COL26A1: variants seen among roughly 807,000 people sequenced by gnomAD.
COL26A1 encodes collagen type XXVI alpha 1 chain.
COL26A1 carries 41 observed loss-of-function variants against 59.3 expected under a neutral mutation model. The ratio of observed to expected loss-of-function variants is 0.69; its 90% CI spans 0.54 to 0.90. The LOEUF (loss-of-function observed/expected upper bound fraction) is 0.90. COL26A1 is among the 40% of genes least tolerant of loss of function. The pLI is 0.00. For missense variants in COL26A1, 612 were observed against 602.3 expected (o/e 1.02, Z -0.17); for synonymous variants, 266 against 256.0 (o/e 1.04, Z -0.37).
intron 1 of COL26A1, among the ~76,000 whole-genome samples, chr7:101,375,179 C>T (rs1428051973): frequency 6.6e-6 from 1 of 152,094 alleles, no homozygotes; most frequent in Non-Finnish European, 1.5e-5. Context: ...AGTTGCCTGC[C>T]CTCTCTATGC....
chr7:101,362,811 C>T, upstream of COL26A1: 1 of 538,446 alleles, frequency 1.9e-6, no homozygotes, highest in Non-Finnish European at 3.2e-6. Context: ...AGCCCCACGC[C>T]CCCTTTGACG....
At chr7:101,456,251 G>C (rs1793469056) in intron 3 of COL26A1, among the ~76,000 whole-genome samples, 1 of 150,138 alleles carries the variant, frequency 6.7e-6, no homozygotes, top group Non-Finnish European at 1.5e-5. Context: ...TCATTCTGTT[G>C]CCCAGGCTGG....
intron 3 of COL26A1, among the ~76,000 whole-genome samples, chr7:101,502,854 G>A (rs978234998): frequency 1.3e-5 from 2 of 152,164 alleles, no homozygotes; most frequent in Non-Finnish European, 2.9e-5. Context: ...CCTCCTTCCC[G>A]GGGCTGCCTG....
rs1212367041 is a variant in COL26A1, at chr7:101,539,979, G to A, written c.534G>A (p.Glu178=). The A allele has an allele frequency of 2.5e-6, 4 of 1,613,562 alleles. No homozygotes were observed. Among genetic ancestry groups the A allele is most frequent in the East Asian group, 4.5e-5 (2 of 44,844 alleles). The part of the protein sequence containing the change: ...APESTPPTWN[E]DFLPDAIPLA... Reference sequence around the variant, plus strand: ...AGAGCACTCCGCCGACCTGGAATGAGGACTTCCTCCCCGACGCCATCCCTC... The same window carrying A: ...AGAGCACTCCGCCGACCTGGAATGAAGACTTCCTCCCCGACGCCATCCCTC... Residue 178 remains glutamate, a synonymous_variant, in exon 5 of 13, where the codon GAG becomes GAA. Transcript: ENST00000313669.
intron 7 of COL26A1, among the ~76,000 whole-genome samples, chr7:101,546,035 G>GC: frequency 1.3e-5 from 2 of 152,218 alleles, no homozygotes; most frequent in Non-Finnish European, 2.9e-5. Flanking sequence ...GCCCTCGGGG[G>GC]CACCGGCCAG....
At chr7:101,541,953 A>G (rs1795626192) in intron 5 of COL26A1, among the ~76,000 whole-genome samples, 1 of 150,612 alleles carries the variant, frequency 6.6e-6, no homozygotes, top group African/African-American at 2.5e-5. Context: ...AGATATGAAA[A>G]TATTTCAAAT....
At chr7:101,536,678 C>T (rs572948254) in intron 4 of COL26A1, among the ~76,000 whole-genome samples, 3 of 152,292 alleles carry the variant, frequency 2.0e-5, no homozygotes, top group African/African-American at 7.2e-5. Flanking sequence ...TTTGGTATGT[C>T]GGGAAGGAGG....
chr7:101,454,268 C>CTT lies in COL26A1; in HGVS notation c.385+6494_385+6495dup, dbSNP rs58969139. Reference sequence around the variant, plus strand: ...TTTTTCCTTTCCTTTTCTTTTCTTTCTTTTTTTTTTTTTTGTTATGGAGTC... The same window carrying CTT: ...TTTTTCCTTTCCTTTTCTTTTCTTTCTTTTTTTTTTTTTTTTGTTATGGAGTC... On this transcript the variant is annotated intron_variant, in intron 3 of 12. Transcript: ENST00000313669. Among the ~76,000 whole-genome samples the CTT allele has an allele frequency of 5.0e-3, 681 of 137,318 alleles. 15 individuals are homozygous for CTT. Among genetic ancestry groups the CTT allele is most frequent in the African/African-American group, 0.015 (549 of 36,586 alleles). The allele number at this position is 137,318 out of a possible 152,430, so 90.1% of individuals were successfully genotyped here.
chr7:101,363,291 G>A, intron 1 of COL26A1, 101 bp downstream of exon 1: 1 of 1,077,644 alleles, frequency 9.3e-7, no homozygotes. Flanking sequence ...GGGCTGGAGA[G>A]CGGGGCGATC....
chr7:101,448,611 C>A (rs568370096), intron 3 of COL26A1, among the ~76,000 whole-genome samples: 4 of 152,140 alleles, frequency 2.6e-5, no homozygotes, highest in African/African-American at 9.6e-5. Context: ...TCCCACTTCA[C>A]CCTCCTGTGC....
chr7:101,414,342 A>G (rs923720813), intron 1 of COL26A1, among the ~76,000 whole-genome samples: 1 of 150,994 alleles, frequency 6.6e-6, no homozygotes, highest in African/African-American at 2.4e-5. Context: ...CCTCGGGCGG[A>G]TCTCAGGATC....
intron 5 of COL26A1, among the ~76,000 whole-genome samples, chr7:101,542,530 T>C (rs1208455096): frequency 6.6e-6 from 1 of 152,166 alleles, no homozygotes. Context: ...GGGGGCATTT[T>C]GCCTCCATGA....
chr7:101,543,749 C>A (rs545689931), intron 5 of COL26A1, among the ~76,000 whole-genome samples: 33 of 152,346 alleles, frequency 2.2e-4, no homozygotes, highest in Non-Finnish European at 4.0e-4. Context: ...TCCTGAGCCT[C>A]AGTTTCCCCA....
chr7:101,383,633 C>T (rs2117034218), intron 1 of COL26A1, among the ~76,000 whole-genome samples: 1 of 152,250 alleles, frequency 6.6e-6, no homozygotes, highest in African/African-American at 2.4e-5. Context: ...CTCCCCGGTT[C>T]AAGCGATCCT....
At chr7:101,481,840 CT>C (rs909286452) in intron 3 of COL26A1, among the ~76,000 whole-genome samples, 2 of 152,026 alleles carry the variant, frequency 1.3e-5, no homozygotes, top group African/African-American at 2.4e-5. Flanking sequence ...AAAGAGGTAT[CT>C]TTTTAACCTT....
At chr7:101,439,379 C>T (rs1301839965) in intron 2 of COL26A1, among the ~76,000 whole-genome samples, 2 of 151,654 alleles carry the variant, frequency 1.3e-5, no homozygotes, top group African/African-American at 4.8e-5. Context: ...TAGGGTGAAA[C>T]CCCGTCTCTA....
intron 2 of COL26A1, among the ~76,000 whole-genome samples, chr7:101,422,432 A>G (rs972784530): frequency 1.4e-5 from 2 of 146,732 alleles, no homozygotes; most frequent in East Asian, 2.0e-4. Flanking sequence ...GACACTCCCT[A>G]TCCCCTGCCT....
chr7:101,432,994 A>G (rs1332419182), intron 2 of COL26A1, among the ~76,000 whole-genome samples: 1 of 152,236 alleles, frequency 6.6e-6, no homozygotes, highest in South Asian at 2.1e-4. Context: ...AAGCCACTGT[A>G]TCTGGTGAAG....
intron 1 of COL26A1, among the ~76,000 whole-genome samples, chr7:101,410,683 T>C (rs1421575376): frequency 9.5e-6 from 1 of 104,992 alleles, no homozygotes; most frequent in Non-Finnish European, 2.2e-5. Flanking sequence ...CCCGGCTAAT[T>C]TTGGTGTGTG....
Sources: allele counts gnomAD v4.1 joint callset (sites outside exome capture counted in the v4.1 genomes callset), GRCh38; gene constraint gnomAD v4.1.1; transcripts MANE v1.5; gene names NCBI Gene and HGNC (gene_info 2026-07-23, HGNC 2026-07-21).